NAV3: variants seen among roughly 807,000 people sequenced by gnomAD.
The protein encoded by NAV3 is neuron navigator 3, also known as pore membrane and/or filament interacting like protein 1.
In NAV3, 87 loss-of-function variants were observed where a neutral mutation model predicts 244.7. The ratio of observed to expected loss-of-function variants is 0.36; its 90% CI spans 0.30 to 0.42. The LOEUF is 0.42. Ranked by LOEUF, NAV3 falls within the 20% of genes least tolerant of loss-of-function variation. The pLI is 1.00. For synonymous variants in NAV3, 1,126 were observed against 1,042.2 expected, an observed-to-expected ratio of 1.08 and a Z score of -1.55; for missense variants, 2,663 against 2,893.3, an observed-to-expected ratio of 0.92 and a Z score of 1.83.
At chr12:77,817,800 A>T (rs1872578853) in intron 2 of NAV3, among the ~76,000 whole-genome samples, 1 of 152,278 alleles carries the variant, frequency 6.6e-6, no homozygotes, top group East Asian at 1.9e-4. Flanking sequence ...AAAAATCCCC[A>T]CTGGTCTCCT....
chr12:77,575,130 G>T (rs1402195598), intron 2 of NAV3, among the ~76,000 whole-genome samples: 3 of 151,044 alleles, frequency 2.0e-5, no homozygotes, highest in African/African-American at 7.3e-5. Context: ...GACTTTATTG[G>T]TTTCTTTTAA....
At chr12:77,749,692 T>A (rs929455419) in intron 2 of NAV3, among the ~76,000 whole-genome samples, 1 of 152,152 alleles carries the variant, frequency 6.6e-6, no homozygotes, top group Admixed American at 6.6e-5. Flanking sequence ...ACCTTAGGCA[T>A]AATAGCAATA....
intron 5 of NAV3, among the ~76,000 whole-genome samples, chr12:77,971,000 T>G (rs11107616): frequency 0.13 from 19,574 of 152,096 alleles, 1,345 homozygotes; most frequent in Non-Finnish European, 0.15. Flanking sequence ...ATCTTCCATG[T>G]GAAATTTATT....
At chr12:77,833,815 A>G (rs1256952679) in intron 1 of NAV3, among the ~76,000 whole-genome samples, 1 of 151,842 alleles carries the variant, frequency 6.6e-6, no homozygotes, top group African/African-American at 2.4e-5. Context: ...CGGAAAGGTG[A>G]TTTTCCTCTG....
At chr12:77,585,972 C>T (rs546296317) in intron 2 of NAV3, among the ~76,000 whole-genome samples, 1 of 152,122 alleles carries the variant, frequency 6.6e-6, no homozygotes, top group African/African-American at 2.4e-5. Flanking sequence ...ACCATCCTGG[C>T]GAACATGGTG....
intron 1 of NAV3, among the ~76,000 whole-genome samples, chr12:77,858,403 C>A (rs979659496): frequency 3.3e-5 from 5 of 151,970 alleles, no homozygotes; most frequent in African/African-American, 1.2e-4. Context: ...TTAAGATTTC[C>A]AGAAGTTCAA....
At chr12:78,004,413 G>A (rs1873852780) in intron 7 of NAV3, among the ~76,000 whole-genome samples, 2 of 152,126 alleles carry the variant, frequency 1.3e-5, no homozygotes, top group South Asian at 4.1e-4. Flanking sequence ...AGGTAAGGCT[G>A]TAAGCAGAGA....
At position 77,873,744 on chromosome 12, in the gene NAV3, G is replaced by GTGTGTATA. The variant is rs776225440; in HGVS notation, c.243+42041_243+42042insGTGTATAT. Among the ~76,000 whole-genome samples, 26 of 73,178 alleles carry GTGTGTATA rather than the reference G, an allele frequency of 3.6e-4. No homozygotes were observed. In the South Asian group the frequency reaches 5.2e-3, roughly 15 times the overall value. 48.0% of individuals were successfully genotyped at this position (73,178 alleles called of 152,430 possible). On this transcript the variant is annotated intron_variant, in intron 1 of 39. Transcript: ENST00000397909. ...CTTATCTAAATACATATGTGTGTGT[G>GTGTGTATA]TATATATATATATATATATATATGT... is the stretch of plus-strand genomic sequence containing the variant.
chr12:77,925,638 T>C (rs1404973882), intron 1 of NAV3, among the ~76,000 whole-genome samples: 1 of 152,134 alleles, frequency 6.6e-6, no homozygotes, highest in African/African-American at 2.4e-5. Flanking sequence ...AGCATCGCTT[T>C]GCGGTTTGAC....
chr12:77,768,459 C>G (rs1236881368), intron 2 of NAV3, among the ~76,000 whole-genome samples: 1 of 152,230 alleles, frequency 6.6e-6, no homozygotes, highest in East Asian at 1.9e-4. Context: ...GGCCTCCCTT[C>G]TGTGCTTAGC....
chr12:78,153,685 A>G (rs1957163187), intron 22 of NAV3, among the ~76,000 whole-genome samples: 1 of 152,110 alleles, frequency 6.6e-6, no homozygotes, highest in African/African-American at 2.4e-5. Flanking sequence ...TAAAGACATT[A>G]CTGAATGAAT....
intron 30 of NAV3, 48 bp downstream of exon 30, chr12:78,181,093 A>G (rs777420800): frequency 6.4e-7 from 1 of 1,560,868 alleles, no homozygotes; most frequent in Non-Finnish European, 8.8e-7. Context: ...CCCATGAGTT[A>G]ACGGGTGGGA....
intron 1 of NAV3, among the ~76,000 whole-genome samples, chr12:77,882,488 A>G (rs1053006504): frequency 1.1e-4 from 16 of 152,164 alleles, no homozygotes; most frequent in African/African-American, 3.9e-4. Flanking sequence ...CTACAAGAAA[A>G]CCTAGGAAAT....
In NAV3 at chr12:78,127,113, A is replaced by T. The variant is rs1027541671; in HGVS notation, c.4239-54A>T. On this transcript the variant is annotated intron_variant, in intron 16 of 39. Coordinates refer to ENST00000397909, the MANE Select transcript of NAV3 (RefSeq NM_001024383.2). ...AGAGAACCATTTTTGTTGGATGTGT[A>T]ATTTGGAAGTTTTGTTTACATTATG... 33 of 1,574,740 alleles carry T rather than the reference A, an allele frequency of 2.1e-5. No homozygotes were observed. In the African/African-American group the frequency reaches 3.8e-4, roughly 18 times the overall value.
intron 1 of NAV3, among the ~76,000 whole-genome samples, chr12:77,898,667 T>A (rs1223755764): frequency 6.6e-6 from 1 of 152,204 alleles, no homozygotes; most frequent in East Asian, 1.9e-4. Context: ...TCAAAATGGT[T>A]GTCCGTTCTA....
At chr12:77,901,737 G>A (rs1260297748) in intron 1 of NAV3, among the ~76,000 whole-genome samples, 2 of 151,942 alleles carry the variant, frequency 1.3e-5, no homozygotes, top group South Asian at 2.1e-4. Flanking sequence ...AAAGGTAAGG[G>A]TCCAGTTTCA....
At chr12:77,652,968 A>G (rs1592542760) in intron 2 of NAV3, among the ~76,000 whole-genome samples, 2 of 152,338 alleles carry the variant, frequency 1.3e-5, no homozygotes, top group East Asian at 3.9e-4. Flanking sequence ...GTATTTTTCA[A>G]AGTGTGTTCA....
At chr12:77,939,559 T>A (rs1889665971) in intron 1 of NAV3, among the ~76,000 whole-genome samples, 1 of 152,212 alleles carries the variant, frequency 6.6e-6, no homozygotes, top group Admixed American at 6.6e-5. Flanking sequence ...TAGTAAGTAT[T>A]CTATTCAATT....
chr12:78,110,197 G>A (rs1367470392), intron 12 of NAV3, among the ~76,000 whole-genome samples: 1 of 151,958 alleles, frequency 6.6e-6, no homozygotes, highest in South Asian at 2.1e-4. Flanking sequence ...ATTTAAATTA[G>A]CTACAAAAAA....
Sources: gnomAD v4.1 joint callset for allele counts (sites outside exome capture counted in the v4.1 genomes callset) on GRCh38, gnomAD v4.1.1 for gene constraint, MANE v1.5 for transcripts, NCBI Gene and HGNC (gene_info 2026-07-23, HGNC 2026-07-21) for gene names.